DOCK3: variants seen among roughly 807,000 people sequenced by gnomAD.
The protein encoded by DOCK3 is dedicator of cytokinesis protein 3.
Under a neutral mutation model 265.6 loss-of-function variants are expected in DOCK3, and 60 were observed. The observed-to-expected ratio is 0.23, with a 90% CI of 0.18 to 0.28. The LOEUF is 0.28. Ranked by LOEUF, DOCK3 falls within the 10% of genes least tolerant of loss-of-function variation. The pLI is 1.00. For synonymous variants in DOCK3, 881 were observed against 938.0 expected, an observed-to-expected ratio of 0.94 and a Z score of 1.11; for missense variants, 1,981 against 2,594.3, an observed-to-expected ratio of 0.76 and a Z score of 5.14.
chr3:50,756,594 G>A (rs1002808225), intron 1 of DOCK3, among the ~76,000 whole-genome samples: 5 of 152,220 alleles, frequency 3.3e-5, no homozygotes, highest in Admixed American at 2.0e-4. Context: ...GAGTGGAAAT[G>A]CTAGATCATA....
intron 5 of DOCK3, among the ~76,000 whole-genome samples, chr3:50,940,267 C>T (rs555188965): frequency 8.0e-5 from 9 of 112,254 alleles, no homozygotes; most frequent in African/African-American, 3.1e-4. Context: ...GCCTGGGCAA[C>T]ATAGCAAGAT....
At chr3:50,692,211 C>G (rs1233644134) in intron 1 of DOCK3, among the ~76,000 whole-genome samples, 1 of 152,172 alleles carries the variant, frequency 6.6e-6, no homozygotes, top group Non-Finnish European at 1.5e-5. Context: ...GCCACTGTGC[C>G]TGGCCTCAAT....
intron 28 of DOCK3, among the ~76,000 whole-genome samples, chr3:51,310,675 C>T (rs903022386): frequency 2.0e-4 from 30 of 152,198 alleles, no homozygotes; most frequent in African/African-American, 6.5e-4. Context: ...TGCTTGCCTC[C>T]CATAGACAGT....
intron 5 of DOCK3, among the ~76,000 whole-genome samples, chr3:50,949,899 G>T (rs1429555518): frequency 4.0e-5 from 6 of 151,640 alleles, no homozygotes; most frequent in Non-Finnish European, 8.8e-5. Flanking sequence ...CTCTATTATA[G>T]TTTTATTTTT....
At position 50,973,610 on chromosome 3, in the gene DOCK3, T is replaced by G. The variant is rs1162947321; in HGVS notation, c.315+39533T>G. Reference sequence around the variant, plus strand: ...GCCGCAATAAACATACGTGTCCATGTGTCTTTATAGCAGCATGATTTATAG... The same window carrying G: ...GCCGCAATAAACATACGTGTCCATGGGTCTTTATAGCAGCATGATTTATAG... On this transcript the variant is annotated intron_variant, in intron 5 of 52. Transcript: ENST00000266037. 2.7e-5 allele frequency among the ~76,000 whole-genome samples: 4 copies of G among 147,848 alleles called. No homozygotes were observed. The East Asian group carries it at 6.0e-4, about 22-fold the overall frequency.
At chr3:51,311,381 T>C (rs187578223) in intron 28 of DOCK3, among the ~76,000 whole-genome samples, 4 of 152,244 alleles carry the variant, frequency 2.6e-5, no homozygotes, top group African/African-American at 7.2e-5. Flanking sequence ...CTAGACTTCC[T>C]CTCCACTTCA....
intron 12 of DOCK3, among the ~76,000 whole-genome samples, chr3:51,180,917 C>T (rs902644934): frequency 6.6e-6 from 1 of 152,090 alleles, no homozygotes; most frequent in Admixed American, 6.6e-5. Flanking sequence ...ATGCATAGGT[C>T]GTTCTAGATG....
intron 25 of DOCK3, among the ~76,000 whole-genome samples, chr3:51,277,135 TAGAA>T: frequency 6.6e-6 from 1 of 152,238 alleles, no homozygotes; most frequent in Non-Finnish European, 1.5e-5. Flanking sequence ...ACAGCGTGCT[TAGAA>T]AGATGAGCTA....
intron 9 of DOCK3, among the ~76,000 whole-genome samples, chr3:51,138,924 C>A (rs893199681): frequency 1.1e-4 from 16 of 152,128 alleles, no homozygotes; most frequent in Non-Finnish European, 2.9e-5. Flanking sequence ...AGATCAACTT[C>A]TGTAACAAAA....
At chr3:50,852,814 A>T (rs182013019) in intron 3 of DOCK3, among the ~76,000 whole-genome samples, 1 of 152,180 alleles carries the variant, frequency 6.6e-6, no homozygotes, top group African/African-American at 2.4e-5. Context: ...TTTTTAAAAG[A>T]TATTTTTATT....
chr3:50,683,630 T>C (rs530452681), intron 1 of DOCK3, among the ~76,000 whole-genome samples: 2 of 152,304 alleles, frequency 1.3e-5, no homozygotes, highest in South Asian at 4.1e-4. Context: ...ATGGCTATGG[T>C]GTTTTAACAA....
intron 1 of DOCK3, among the ~76,000 whole-genome samples, chr3:50,731,964 GTAGA>G (rs2038239500): frequency 6.6e-6 from 1 of 151,902 alleles, no homozygotes; most frequent in Non-Finnish European, 1.5e-5. Flanking sequence ...TTAGAAAACT[GTAGA>G]CAATCCATAA....
At chr3:50,727,223 A>G (rs936394761) in intron 1 of DOCK3, among the ~76,000 whole-genome samples, 1 of 152,244 alleles carries the variant, frequency 6.6e-6, no homozygotes, top group Non-Finnish European at 1.5e-5. Flanking sequence ...TCCCAAGCCT[A>G]TGGTGTTTAG....
intron 9 of DOCK3, among the ~76,000 whole-genome samples, chr3:51,128,498 C>T (rs1214129246): frequency 2.6e-5 from 4 of 152,136 alleles, no homozygotes; most frequent in South Asian, 2.1e-4. Context: ...CTTCTTTAGC[C>T]GTAAAAGTGA....
At chr3:51,192,783 TGTG>T (rs985219885) in intron 12 of DOCK3, among the ~76,000 whole-genome samples, 9 of 152,046 alleles carry the variant, frequency 5.9e-5, no homozygotes, top group Non-Finnish European at 4.4e-5. Flanking sequence ...TGCCCAGCCT[TGTG>T]GTCATTCCCA....
At chr3:51,142,246 A>G (rs1242473831) in intron 9 of DOCK3, among the ~76,000 whole-genome samples, 1 of 152,122 alleles carries the variant, frequency 6.6e-6, no homozygotes. Flanking sequence ...GGTTTTTTAA[A>G]TGTAATTTAT....
chr3:50,720,327 C>T (rs2037397243), intron 1 of DOCK3, among the ~76,000 whole-genome samples: 1 of 152,130 alleles, frequency 6.6e-6, no homozygotes, highest in African/African-American at 2.4e-5. Flanking sequence ...GTCTATTGTT[C>T]CCTTCTCTGT....
chr3:51,191,041 G>A (rs931657335), intron 12 of DOCK3, among the ~76,000 whole-genome samples: 4 of 152,150 alleles, frequency 2.6e-5, no homozygotes, highest in Admixed American at 2.0e-4. Context: ...TAGTTGGCAA[G>A]GCAGGTCTCA....
chr3:50,841,800 C>A, intron 3 of DOCK3, 85 bp downstream of exon 3: 1 of 286,880 alleles, frequency 3.5e-6, no homozygotes, highest in Non-Finnish European at 7.0e-6. Flanking sequence ...CTTAGTGGTT[C>A]ATCTTTTAAT....
Sources: gnomAD v4.1 joint callset for allele counts (sites outside exome capture counted in the v4.1 genomes callset) on GRCh38, gnomAD v4.1.1 for gene constraint, MANE v1.5 for transcripts, NCBI Gene and HGNC (gene_info 2026-07-23, HGNC 2026-07-21) for gene names.